TUT4: variants seen among roughly 807,000 people sequenced by gnomAD.
TUT4 encodes terminal uridylyltransferase 4.
Under a neutral mutation model 192.2 loss-of-function variants are expected in TUT4, and 36 were observed. That is an observed-to-expected ratio of 0.19 (90% CI 0.14 to 0.25). The LOEUF (loss-of-function observed/expected upper bound fraction) is 0.25, where lower values mean the gene tolerates loss of function less well. TUT4 is among the 10% of genes least tolerant of loss of function. The probability of loss-of-function intolerance (pLI) is 1.00; values close to 1 mark genes in which losing one functional copy is unlikely to be tolerated. For synonymous variants in TUT4, 618 were observed against 666.0 expected, an observed-to-expected ratio of 0.93 and a Z score of 1.11; for missense variants, 1,493 against 1,957.2, an observed-to-expected ratio of 0.76 and a Z score of 4.47.
intron 24 of TUT4, among the ~76,000 whole-genome samples, chr1:52,444,600 G>C (rs900686870): frequency 6.6e-6 from 1 of 150,814 alleles, no homozygotes; most frequent in Non-Finnish European, 1.5e-5. Context: ...TGCCAAAAGA[G>C]ATTAACATTT....
chr1:52,458,758 T>A (rs1661657431), intron 19 of TUT4, among the ~76,000 whole-genome samples: 1 of 152,132 alleles, frequency 6.6e-6, no homozygotes, highest in African/African-American at 2.4e-5. Flanking sequence ...AGAGTATAAA[T>A]TAATACAAAC....
chr1:52,527,859 T>C (rs1012135862), intron 1 of TUT4, among the ~76,000 whole-genome samples: 2 of 151,800 alleles, frequency 1.3e-5, no homozygotes, highest in Admixed American at 6.6e-5. Context: ...TCTGCTCAAT[T>C]TTGCTGTGAA....
At chr1:52,450,419 T>G (rs1659028576) in intron 20 of TUT4, among the ~76,000 whole-genome samples, 1 of 152,206 alleles carries the variant, frequency 6.6e-6, no homozygotes, top group South Asian at 2.1e-4. Context: ...TTCCATGAAC[T>G]GTCTCTTGTT....
chr1:52,469,823 G>A (rs957393102), intron 14 of TUT4, among the ~76,000 whole-genome samples: 8 of 151,220 alleles, frequency 5.3e-5, no homozygotes, highest in Admixed American at 2.0e-4. Flanking sequence ...CCCAGGAGGC[G>A]GAGCTTGCAG....
intron 3 of TUT4, among the ~76,000 whole-genome samples, chr1:52,513,543 A>C (rs1677879744): frequency 6.6e-6 from 1 of 152,144 alleles, no homozygotes; most frequent in Non-Finnish European, 1.5e-5. Flanking sequence ...ACAAATATCT[A>C]CGCTGGTACT....
At chr1:52,528,873 C>T (rs1036609841) in intron 1 of TUT4, among the ~76,000 whole-genome samples, 5 of 152,034 alleles carry the variant, frequency 3.3e-5, no homozygotes, top group African/African-American at 9.7e-5. Flanking sequence ...CACCACCACA[C>T]CTGGCTAATT....
intron 4 of TUT4, among the ~76,000 whole-genome samples, chr1:52,504,629 T>C (rs1039962728): frequency 1.3e-5 from 2 of 151,970 alleles, no homozygotes; most frequent in African/African-American, 4.8e-5. Context: ...GACTCTATCT[T>C]GAAAAAAAAC....
In TUT4 at chr1:52,534,700, A is replaced by C. The variant is rs535182779; in HGVS notation, c.-93-8327T>G. Among the ~76,000 whole-genome samples the C allele has an allele frequency of 6.5e-3, 987 of 151,762 alleles. 5 individuals are homozygous for C. Among genetic ancestry groups the C allele is most frequent in the South Asian group, 0.02 (95 of 4,814 alleles). ...AAACCCTGTCTCTACAAAAAAAAAA[A>C]AAACAAACAAAAATCAGCCAAATGT... On this transcript the variant is annotated intron_variant, in intron 1 of 29. Coordinates refer to ENST00000257177, the MANE Select transcript of TUT4 (RefSeq NM_001009881.3).
chr1:52,426,390 TTAAG>T (rs1467461839), intron 28 of TUT4, among the ~76,000 whole-genome samples: 4 of 152,170 alleles, frequency 2.6e-5, no homozygotes, highest in Non-Finnish European at 5.9e-5. Context: ...AAATGTATCT[TTAAG>T]TACATTTTTC....
chr1:52,461,007 C>T, intron 19 of TUT4, 127 bp downstream of exon 19: 2 of 674,870 alleles, frequency 3.0e-6, no homozygotes, highest in South Asian at 2.7e-5. Flanking sequence ...CTATATAATA[C>T]TGAAAGTTTC....
chr1:52,455,607 T>TAAAA (rs34934935), intron 20 of TUT4, among the ~76,000 whole-genome samples: 4 of 40,560 alleles, frequency 9.9e-5, no homozygotes, highest in Non-Finnish European at 1.7e-4. Context: ...ACGCTACCTT[T>TAAAA]AAAAAAAAAA....
At chr1:52,533,706 G>A (rs566518152) in intron 1 of TUT4, among the ~76,000 whole-genome samples, 63 of 152,184 alleles carry the variant, frequency 4.1e-4, no homozygotes, top group South Asian at 1.0e-3. Context: ...AGTGGCTCAC[G>A]GCTGTAATCC....
chr1:52,427,622 AT>A (rs1650415986), intron 28 of TUT4, among the ~76,000 whole-genome samples: 1 of 152,256 alleles, frequency 6.6e-6, no homozygotes, highest in Non-Finnish European at 1.5e-5. Flanking sequence ...TATGCCATAT[AT>A]CCTCTGATCT....
chr1:52,430,900 G>A, intron 28 of TUT4, 113 bp downstream of exon 28: 1 of 1,198,266 alleles, frequency 8.3e-7, no homozygotes, highest in Non-Finnish European at 1.2e-6. Flanking sequence ...ATCTAATCCT[G>A]TACTGTCCCC....
At chr1:52,525,482 A>T (rs1450573605) in intron 2 of TUT4, 81 bp downstream of exon 2, 1 of 1,495,988 alleles carries the variant, frequency 6.7e-7, no homozygotes, top group East Asian at 2.3e-5. Context: ...TATAAACATG[A>T]CTTTTTGTAA....
chr1:52,517,683 G>A (rs774470267), intron 2 of TUT4, among the ~76,000 whole-genome samples: 2 of 152,112 alleles, frequency 1.3e-5, no homozygotes, highest in African/African-American at 2.4e-5. Context: ...AATTACAGTT[G>A]GAGGAATATT....
intron 7 of TUT4, among the ~76,000 whole-genome samples, chr1:52,491,849 T>C (rs746611552): frequency 1.6e-4 from 25 of 152,182 alleles, no homozygotes; most frequent in Middle Eastern, 3.2e-3. Flanking sequence ...GCAGGGTCAA[T>C]ATGACAATGA....
At chr1:52,538,965 C>T (rs1274846633) in intron 1 of TUT4, among the ~76,000 whole-genome samples, 4 of 151,984 alleles carry the variant, frequency 2.6e-5, no homozygotes, top group East Asian at 1.9e-4. Context: ...AAAGGAATCC[C>T]GGAATTACAG....
chr1:52,475,869 G>C (rs2148895862), intron 12 of TUT4, among the ~76,000 whole-genome samples: 1 of 151,980 alleles, frequency 6.6e-6, no homozygotes, highest in Admixed American at 6.6e-5. Flanking sequence ...TTTTGAGATG[G>C]AGTCTTGCTC....
Sources: allele counts gnomAD v4.1 joint callset (sites outside exome capture counted in the v4.1 genomes callset), GRCh38; gene constraint gnomAD v4.1.1; transcripts MANE v1.5; gene names NCBI Gene and HGNC (gene_info 2026-07-23, HGNC 2026-07-21).